Variants in RIN2 observed in about 807,000 individuals in gnomAD.
RIN2 encodes the protein Ras and Rab interactor 2.
A neutral mutation model predicts 78.0 loss-of-function variants in RIN2; 36 were observed. The ratio of observed to expected loss-of-function variants is 0.46; its 90% CI spans 0.35 to 0.61. RIN2 has a LOEUF of 0.61. RIN2 is among the 20% of genes least tolerant of loss of function. The pLI is 0.00. For synonymous variants in RIN2, 466 were observed against 466.8 expected, an observed-to-expected ratio of 1.00 and a Z score of 0.02; for missense variants, 1,087 against 1,159.7, an observed-to-expected ratio of 0.94 and a Z score of 0.91.
chr20:19,835,116 G>A (rs12624932), intron 2 of RIN2, among the ~76,000 whole-genome samples: 1 of 127,548 alleles, frequency 7.8e-6, no homozygotes, highest in African/African-American at 2.8e-5. Context: ...AAGAAAGAGG[G>A]AGGAAGGAAG....
intron 2 of RIN2, among the ~76,000 whole-genome samples, chr20:19,867,811 C>T (rs1246718055): frequency 1.3e-5 from 2 of 152,214 alleles, no homozygotes; most frequent in African/African-American, 4.8e-5. Flanking sequence ...TGTGGTTTGT[C>T]TAAAACTGAG....
At chr20:19,781,228 C>A (rs2034492782) in intron 1 of RIN2, among the ~76,000 whole-genome samples, 1 of 152,148 alleles carries the variant, frequency 6.6e-6, no homozygotes, top group African/African-American at 2.4e-5. Flanking sequence ...GTCACATAGA[C>A]CCTCCCCAAT....
intron 3 of RIN2, among the ~76,000 whole-genome samples, chr20:19,930,158 G>A (rs1440611914): frequency 2.0e-5 from 3 of 152,182 alleles, no homozygotes; most frequent in Non-Finnish European, 2.9e-5. Context: ...GGTCCACAGC[G>A]ATCCAGCCAA....
chr20:19,763,292 G>T (rs1387520153), intron 1 of RIN2, among the ~76,000 whole-genome samples: 1 of 152,140 alleles, frequency 6.6e-6, no homozygotes, highest in East Asian at 1.9e-4. Flanking sequence ...AGAGGCTAAG[G>T]CAGGAGAATC....
At position 19,815,412 on chromosome 20, in the gene RIN2, C is replaced by T. The variant is rs150165321; in HGVS notation, c.-37+15665C>T. Among the ~76,000 whole-genome samples the T allele has an allele frequency of 1.6e-4, 25 of 152,220 alleles. No individual in the cohort carries two copies. In the East Asian group the frequency reaches 4.8e-3, roughly 29 times the overall value. Reference sequence around the variant, plus strand: ...TATGTCTAAAGCAATACATTGGCTCCCTTTTTCTTATAACAAAAACCAAGT... The same window carrying T: ...TATGTCTAAAGCAATACATTGGCTCTCTTTTTCTTATAACAAAAACCAAGT... On this transcript the variant is annotated intron_variant, in intron 2 of 12. Transcript: ENST00000255006.
intron 3 of RIN2, among the ~76,000 whole-genome samples, chr20:19,930,393 G>T (rs898619420): frequency 6.6e-6 from 1 of 152,194 alleles, no homozygotes; most frequent in Non-Finnish European, 1.5e-5. Context: ...AAACTTGGAG[G>T]TCTGGAGATC....
rs2146446128 is a variant in RIN2 at position 20,002,094 on chromosome 20, T to C, written c.*1158T>C. 6.6e-6 allele frequency: 1 copy of C among 152,364 alleles called. No individual in the cohort carries two copies. The highest frequency in any genetic ancestry group is 1.9e-4 in the East Asian group (1 of 5,190). The allele number at this position is 152,364 out of a possible 1,614,324, so 9.4% of individuals were successfully genotyped here. ...GTGGCTTTTGTTGAGTTAAATAAGA[T>C]GCTATATAATGGAGAAGAATTTGAA... On this transcript the variant is annotated 3_prime_UTR_variant, in exon 13 of 13. Transcript: ENST00000255006.
At chr20:19,819,724 G>A (rs2035874967) in intron 2 of RIN2, among the ~76,000 whole-genome samples, 1 of 152,054 alleles carries the variant, frequency 6.6e-6, no homozygotes, top group Non-Finnish European at 1.5e-5. Flanking sequence ...TGTAGAGATG[G>A]GGTCTCACTA....
At chr20:19,971,503 G>T (rs949360201) in intron 8 of RIN2, among the ~76,000 whole-genome samples, 2 of 152,058 alleles carry the variant, frequency 1.3e-5, no homozygotes, top group African/African-American at 4.8e-5. Flanking sequence ...ATCTGTGTGG[G>T]TTTAGCTTTT....
chr20:19,947,317 G>A (rs1418630573), intron 4 of RIN2, among the ~76,000 whole-genome samples: 1 of 151,900 alleles, frequency 6.6e-6, no homozygotes, highest in Non-Finnish European at 1.5e-5. Flanking sequence ...GACCAGCCTG[G>A]GAAACACAGC....
At chr20:19,906,643 A>T (rs1184302796) in intron 3 of RIN2, among the ~76,000 whole-genome samples, 2 of 152,192 alleles carry the variant, frequency 1.3e-5, no homozygotes, top group East Asian at 3.8e-4. Flanking sequence ...TGGAGAATAG[A>T]TATCCCATCT....
At chr20:19,844,928 C>G (rs995987473) in intron 2 of RIN2, among the ~76,000 whole-genome samples, 1 of 151,998 alleles carries the variant, frequency 6.6e-6, no homozygotes, top group Non-Finnish European at 1.5e-5. Context: ...GTTCCCCTCC[C>G]TGTGTCCATG....
chr20:19,924,443 T>C (rs111220143), intron 3 of RIN2, among the ~76,000 whole-genome samples: 84 of 49,360 alleles, frequency 1.7e-3, no homozygotes, highest in East Asian at 3.2e-3. Context: ...CCCACCTTCA[T>C]ACCCTCACCT....
At chr20:19,780,804 AAGG>A (rs765130560) in intron 1 of RIN2, among the ~76,000 whole-genome samples, 1 of 152,232 alleles carries the variant, frequency 6.6e-6, no homozygotes, top group Non-Finnish European at 1.5e-5. Context: ...ACCTGCTTCA[AAGG>A]AGAAGATTAA....
chr20:19,846,322 A>G (rs1357676888), intron 2 of RIN2, among the ~76,000 whole-genome samples: 1 of 152,146 alleles, frequency 6.6e-6, no homozygotes, highest in East Asian at 1.9e-4. Flanking sequence ...TTTGGGTAGT[A>G]TGGCCATTTT....
At chr20:19,788,159 G>A (rs549457316) in intron 1 of RIN2, among the ~76,000 whole-genome samples, 46 of 152,124 alleles carry the variant, frequency 3.0e-4, no homozygotes, top group African/African-American at 1.1e-3. Context: ...TCTGATGTAT[G>A]GAATAACACA....
chr20:19,990,223 C>A lies in RIN2; in HGVS notation c.1980C>A (p.Thr660=). ...DVEKIKVKFM[T]MQKMYSPEKK... ...AGAAAATCAAAGTCAAGTTCATGACCATGCAGAAGATGTATTCGCCGGAAA... is the reference window on the plus strand; with the variant it reads ...AGAAAATCAAAGTCAAGTTCATGACAATGCAGAAGATGTATTCGCCGGAAA... Residue 660 remains threonine, a synonymous_variant, in exon 10 of 13, where the codon ACC becomes ACA. Coordinates refer to ENST00000255006, the MANE Select transcript of RIN2 (RefSeq NM_018993.4). The A allele has an allele frequency of 5.6e-6, 9 of 1,612,822 alleles. No individual in the cohort carries two copies. Among genetic ancestry groups the A allele is most frequent in the Non-Finnish European group, 6.8e-6 (8 of 1,179,504 alleles).
At chr20:19,971,437 G>A (rs941035066) in intron 8 of RIN2, among the ~76,000 whole-genome samples, 3 of 152,112 alleles carry the variant, frequency 2.0e-5, no homozygotes, top group African/African-American at 4.8e-5. Flanking sequence ...GGTTGACAAT[G>A]GATCAAGACA....
At chr20:19,964,640 GC>G (rs1445878842) in intron 6 of RIN2, among the ~76,000 whole-genome samples, 20 of 152,070 alleles carry the variant, frequency 1.3e-4, no homozygotes, top group Admixed American at 1.3e-3. Context: ...AGACAGACTG[GC>G]CCCTTGTCCC....
Sources: allele counts gnomAD v4.1 joint callset (sites outside exome capture counted in the v4.1 genomes callset), GRCh38; gene constraint gnomAD v4.1.1; transcripts MANE v1.5; gene names NCBI Gene and HGNC (gene_info 2026-07-23, HGNC 2026-07-21).